Variants in USP2 observed in about 807,000 individuals in gnomAD.
The protein encoded by USP2 is ubiquitin carboxyl-terminal hydrolase 2.
USP2 carries 33 observed loss-of-function variants against 72.0 expected under a neutral mutation model. The observed-to-expected ratio is 0.46, with a 90% CI of 0.35 to 0.61. The LOEUF (loss-of-function observed/expected upper bound fraction) is 0.61, where lower values mean the gene tolerates loss of function less well. Among genes scored for constraint, USP2 ranks in the 20% least tolerant of loss-of-function variants. The probability of loss-of-function intolerance (pLI) is 0.01; values close to 1 mark genes in which losing one functional copy is unlikely to be tolerated. For missense variants in USP2, 691 were observed against 797.8 expected, an observed-to-expected ratio of 0.87 and a Z score of 1.61; for synonymous variants, 296 against 312.5, an observed-to-expected ratio of 0.95 and a Z score of 0.56.
chr11:119,363,482 G>T (rs1166125743), intron 2 of USP2, among the ~76,000 whole-genome samples: 5 of 152,150 alleles, frequency 3.3e-5, no homozygotes, highest in African/African-American at 4.8e-5. Flanking sequence ...CCTCGGAGGA[G>T]TACCCCGGCA....
At chr11:119,378,861 C>T (rs993704410) in intron 1 of USP2, 23 of 461,414 alleles carry the variant, frequency 5.0e-5, no homozygotes, top group Non-Finnish European at 6.5e-5. Flanking sequence ...CCTCTGTTCT[C>T]AGCCTCCGGA....
chr11:119,362,295 C>G (rs899640604), intron 2 of USP2, among the ~76,000 whole-genome samples: 1 of 152,132 alleles, frequency 6.6e-6, no homozygotes, highest in Non-Finnish European at 1.5e-5. Flanking sequence ...CAGTGAGGGG[C>G]AAGAAGGACA....
intron 1 of USP2, among the ~76,000 whole-genome samples, chr11:119,377,839 C>G (rs1352098149): frequency 6.6e-6 from 1 of 152,174 alleles, no homozygotes; most frequent in African/African-American, 2.4e-5. Context: ...CCCAGGAATT[C>G]CAGGCGCTCC....
Position 119,357,257 on chromosome 11 carries a change from T to C in USP2, c.1660A>G (p.Met554Val), listed in dbSNP as rs775767625. The change falls in exon 12 of 13, where the codon ATG (methionine) becomes GTG (valine). Residue 554 changes from methionine to valine, a missense_variant. Met to Val is a conservative substitution (Grantham distance 21). Coordinates refer to ENST00000260187, the MANE Select transcript of USP2 (RefSeq NM_004205.5). ...YAVSNHSGTT[M>V]GGHYTAYCRS... is the part of the protein sequence containing the mutation. ...CAGTAGGCTGTATAGTGGCCACCCA[T>C]GGTGGTTCCGGAGTGATTGGACACA... 2 of 1,611,780 alleles carry C rather than the reference T, an allele frequency of 1.2e-6. No homozygotes were observed. Among genetic ancestry groups the C allele is most frequent in the Admixed American group, 1.7e-5 (1 of 59,880 alleles).
intron 2 of USP2, among the ~76,000 whole-genome samples, chr11:119,368,742 C>G (rs1483718024): frequency 2.0e-5 from 3 of 152,224 alleles, no homozygotes; most frequent in African/African-American, 7.2e-5. Context: ...CTGGCTCTGC[C>G]TCCGAGTTGC....
rs1377119643 is a variant in USP2, at chr11:119,356,213, C to T, written c.*622G>A. The T allele has an allele frequency of 6.6e-6, 1 of 152,430 alleles. No homozygotes were observed. The highest frequency in any genetic ancestry group is 1.5e-5 in the Non-Finnish European group (1 of 68,052). The allele number at this position is 152,430 out of a possible 1,614,324, so 9.4% of individuals were successfully genotyped here. ...CAATAAAAGGACCAGTGCAACGTCC[C>T]AGCTATGAAGAGGCCTGAAGGAGAG... On this transcript the variant is annotated 3_prime_UTR_variant, in exon 13 of 13. Transcript: ENST00000260187.
Position 119,372,923 on chromosome 11 carries a change from G to A in USP2, c.558C>T (p.Tyr186=), listed in dbSNP as rs749089060. The A allele has an allele frequency of 1.9e-6, 3 of 1,613,136 alleles. No homozygotes were observed. Among genetic ancestry groups the A allele is most frequent in the South Asian group, 1.1e-5 (1 of 91,068 alleles). Residue 186 remains tyrosine, a synonymous_variant, in exon 2 of 13, where the codon TAC becomes TAT. Transcript: ENST00000260187. Reference sequence around the variant, plus strand: ...GGTATTCAGGGCAGCTGGCTGTCTGGTAGAGCCCCTGCAGGGTGCAGAGCT... The same window carrying A: ...GGTATTCAGGGCAGCTGGCTGTCTGATAGAGCCCCTGCAGGGTGCAGAGCT... The part of the protein sequence containing the change: ...RKELCTLQGL[Y]QTASCPEYLV...
rs1326469580 is a variant in USP2, at chr11:119,356,172, G to A, written c.*663C>T. The stretch of plus-strand genomic sequence containing the variant: ...CACCACGGAGGGCTAGCATTAGAAA[G>A]TTGTACTTGGAAAAGCAATAAAAGG... On this transcript the variant is annotated 3_prime_UTR_variant, in exon 13 of 13. Transcript: ENST00000260187. The A allele has an allele frequency of 6.6e-6, 1 of 152,146 alleles. No homozygotes were observed. The highest frequency in any genetic ancestry group is 1.9e-4 in the East Asian group (1 of 5,192). 9.4% of individuals were successfully genotyped at this position (152,146 alleles called of 1,614,324 possible).
intron 2 of USP2, among the ~76,000 whole-genome samples, chr11:119,362,393 T>A (rs1282240683): frequency 6.6e-6 from 1 of 152,122 alleles, no homozygotes; most frequent in African/African-American, 2.4e-5. Flanking sequence ...CTTTAAGGCA[T>A]CCTTAGGACC....
At position 119,381,647 on chromosome 11, in the gene USP2, C is replaced by T. The variant is rs1951060423; in HGVS notation, c.-216G>A. The stretch of plus-strand genomic sequence containing the variant: ...GCCGGGGGCCCAGAAGGGACCTCCC[C>T]GGGAAATCGGCGCCACCCAGCGGGC... On this transcript the variant is annotated 5_prime_UTR_variant, in exon 1 of 13. Coordinates refer to ENST00000260187, the MANE Select transcript of USP2 (RefSeq NM_004205.5). 8.0e-7 allele frequency: 1 copy of T among 1,245,838 alleles called. No homozygotes were observed. 77.2% of individuals were successfully genotyped at this position (1,245,838 alleles called of 1,614,324 possible). A position where few individuals can be genotyped will look rare whatever the true frequency, so the allele number is the denominator to read the frequency against.
At position 119,356,072 on chromosome 11, in the gene USP2, C is replaced by T. The variant is rs932773428; in HGVS notation, c.*763G>A. 3 of 144,272 alleles carry T rather than the reference C, an allele frequency of 2.1e-5. No homozygotes were observed. Among genetic ancestry groups the T allele is most frequent in the Non-Finnish European group, 4.6e-5 (3 of 65,684 alleles). The allele number at this position is 144,272 out of a possible 1,614,324, so 8.9% of individuals were successfully genotyped here. ...TAAAAAAAAAAAAAAAAAACCCAAA[C>T]CCCCAAAACAGAAACTTGTTTTAGA... On this transcript the variant is annotated 3_prime_UTR_variant, in exon 13 of 13. Coordinates refer to ENST00000260187, the MANE Select transcript of USP2 (RefSeq NM_004205.5).
intron 7 of USP2, 32 bp from the exon 8 acceptor site, chr11:119,358,284 T>C (rs767525838): frequency 1.9e-6 from 3 of 1,594,374 alleles, no homozygotes; most frequent in Non-Finnish European, 2.6e-6. Flanking sequence ...GATGCTGAAA[T>C]ACAGGAAGTA....
intron 2 of USP2, chr11:119,360,487 G>A (rs1009106872): frequency 8.4e-5 from 45 of 533,050 alleles, no homozygotes; most frequent in Non-Finnish European, 1.4e-4. Flanking sequence ...GCAGTGGTAC[G>A]ATCTTAGCTC....
intron 2 of USP2, chr11:119,363,785 A>T: frequency 8.0e-7 from 1 of 1,250,384 alleles, no homozygotes; most frequent in Non-Finnish European, 1.0e-6. Context: ...TGGCGGGCAG[A>T]GGCCAGGGAG....
rs568501500 is a variant in USP2 at position 119,358,693 on chromosome 11, G to A, written c.1237+80C>T. On this transcript the variant is annotated intron_variant, in intron 7 of 12. Coordinates refer to ENST00000260187, the MANE Select transcript of USP2 (RefSeq NM_004205.5). ...CAGAAACAGGCTTCCCCGGGAGAGT[G>A]ATTCTTAGGGCTTTTCATGCTCCAC... 50 of 1,522,332 alleles carry A rather than the reference G, an allele frequency of 3.3e-5. No homozygotes were observed. The African/African-American group carries it at 6.1e-4, about 19-fold the overall frequency. The allele number at this position is 1,522,332 out of a possible 1,614,324, so 94.3% of individuals were successfully genotyped here.
At chr11:119,371,854 A>T (rs1950932241) in intron 2 of USP2, among the ~76,000 whole-genome samples, 1 of 152,166 alleles carries the variant, frequency 6.6e-6, no homozygotes, top group Non-Finnish European at 1.5e-5. Flanking sequence ...CCCTGCAATC[A>T]GCAGGTCAGC....
intron 2 of USP2, 188 bp from the exon 3 acceptor site, chr11:119,360,422 C>A: frequency 1.5e-6 from 1 of 677,242 alleles, no homozygotes. Flanking sequence ...ATTTTCTTTT[C>A]TTTTCTTTTT....
intron 12 of USP2, 63 bp downstream of exon 12, chr11:119,357,124 T>TGGGGGGGGGGGGGG: frequency 1.0e-6 from 1 of 980,478 alleles, no homozygotes; most frequent in Non-Finnish European, 1.3e-6. Context: ...GGGGGGAGGG[T>TGGGGGGGGGGGGGG]GGAGGAGTGG....
intron 2 of USP2, among the ~76,000 whole-genome samples, chr11:119,369,374 A>G (rs1950898321): frequency 6.6e-6 from 1 of 151,988 alleles, no homozygotes; most frequent in Non-Finnish European, 1.5e-5. Flanking sequence ...ACTGTTAATG[A>G]GGGAAAGAAG....
Sources: allele counts gnomAD v4.1 joint callset (sites outside exome capture counted in the v4.1 genomes callset), GRCh38; gene constraint gnomAD v4.1.1; transcripts MANE v1.5; gene names NCBI Gene and HGNC (gene_info 2026-07-23, HGNC 2026-07-21).